The following PDE1A variants were observed in gnomAD, a reference collection of about 807,000 sequenced individuals.
The protein encoded by PDE1A is phosphodiesterase 1A.
Under a neutral mutation model 61.7 loss-of-function variants are expected in PDE1A, and 35 were observed. That is an observed-to-expected ratio of 0.57 (90% CI 0.43 to 0.75). The LOEUF (loss-of-function observed/expected upper bound fraction) is 0.75. Among genes scored for constraint, PDE1A ranks in the 30% least tolerant of loss-of-function variants. The probability of loss-of-function intolerance (pLI) is 0.00; values close to 1 mark genes in which losing one functional copy is unlikely to be tolerated. For synonymous variants in PDE1A, 232 were observed against 213.2 expected, an observed-to-expected ratio of 1.09 and a Z score of -0.77; for missense variants, 597 against 630.6, an observed-to-expected ratio of 0.95 and a Z score of 0.57.
At chr2:182,427,593 T>G (rs1703697837), upstream of PDE1A, among the ~76,000 whole-genome samples, 1 of 152,010 alleles carries the variant, frequency 6.6e-6, no homozygotes, top group South Asian at 2.1e-4. Flanking sequence ...GAAATTTGGA[T>G]TTATAAAAGT....
chr2:182,194,505 A>G (rs1423390821), intron 10 of PDE1A, among the ~76,000 whole-genome samples: 1 of 152,156 alleles, frequency 6.6e-6, no homozygotes, highest in East Asian at 1.9e-4. Flanking sequence ...TTGTATTAAT[A>G]AATATCACAG....
At chr2:182,186,243 C>T (rs946171616) in intron 12 of PDE1A, among the ~76,000 whole-genome samples, 164 bp from the exon 13 acceptor site, 1 of 152,188 alleles carries the variant, frequency 6.6e-6, no homozygotes, top group Non-Finnish European at 1.5e-5. Context: ...TCCCTCCCCA[C>T]ACTGGATTCT....
intron 1 of PDE1A, among the ~76,000 whole-genome samples, chr2:182,271,936 T>A (rs1023380841): frequency 1.3e-5 from 2 of 152,058 alleles, no homozygotes; most frequent in African/African-American, 4.8e-5. Flanking sequence ...TGCAAAAACA[T>A]GCTACTTTTT....
At chr2:182,182,094 A>G (rs1404924979) in intron 13 of PDE1A, among the ~76,000 whole-genome samples, 1 of 152,188 alleles carries the variant, frequency 6.6e-6, no homozygotes, top group Non-Finnish European at 1.5e-5. Context: ...CATATGCACA[A>G]AAGTCTCTCT....
At chr2:182,214,540 C>A (rs370533219) in intron 7 of PDE1A, among the ~76,000 whole-genome samples, 11 of 151,778 alleles carry the variant, frequency 7.2e-5, no homozygotes, top group Non-Finnish European at 1.6e-4. Context: ...CAGAGACACA[C>A]ATAGGCTCAA....
chr2:182,181,232 C>T (rs906328522), intron 13 of PDE1A, among the ~76,000 whole-genome samples: 2 of 152,150 alleles, frequency 1.3e-5, no homozygotes, highest in African/African-American at 4.8e-5. Flanking sequence ...GATTTATCTA[C>T]CTTTGATCTT....
intron 1 of PDE1A, among the ~76,000 whole-genome samples, chr2:182,363,169 G>A (rs7560332): frequency 0.1 from 15,315 of 151,872 alleles, 1,814 homozygotes; most frequent in African/African-American, 0.28. Flanking sequence ...CATGACACCC[G>A]TTTACCTATA....
At chr2:182,572,888 A>T in the PDE1A span, among the ~76,000 whole-genome samples, 1 of 151,692 alleles carries the variant, frequency 6.6e-6, no homozygotes, top group Non-Finnish European at 1.5e-5. Context: ...AAAAAAAAAA[A>T]AGTGAAAGAT....
the PDE1A span, among the ~76,000 whole-genome samples, chr2:182,680,745 C>T: frequency 2.0e-5 from 3 of 152,150 alleles, no homozygotes; most frequent in Admixed American, 2.0e-4. Flanking sequence ...TTCTTGGCTT[C>T]ACCCAGGAAA....
At chr2:182,203,089 G>C (rs1241329609) in intron 8 of PDE1A, among the ~76,000 whole-genome samples, 1 of 152,194 alleles carries the variant, frequency 6.6e-6, no homozygotes, top group Non-Finnish European at 1.5e-5. Context: ...GCCGAGGCGG[G>C]TGGATCACGA....
chr2:182,691,665 C>A, the PDE1A span, among the ~76,000 whole-genome samples: 2 of 152,012 alleles, frequency 1.3e-5, no homozygotes, highest in African/African-American at 4.8e-5. Context: ...GCAACAAAAG[C>A]CATAATTGAC....
At chr2:182,439,185 T>C (rs1223848841) in intron 2 of PDE1A, among the ~76,000 whole-genome samples, 1 of 152,040 alleles carries the variant, frequency 6.6e-6, no homozygotes, top group Non-Finnish European at 1.5e-5. Flanking sequence ...GGTAAGTTTA[T>C]TGGTAACACA....
intron 1 of PDE1A, among the ~76,000 whole-genome samples, chr2:182,327,257 G>A (rs866692743): frequency 6.6e-6 from 1 of 152,176 alleles, no homozygotes; most frequent in Non-Finnish European, 1.5e-5. Context: ...CTGGTTGGAA[G>A]GAGCAAGTCG....
At chr2:182,335,200 T>C (rs1697714936) in intron 1 of PDE1A, among the ~76,000 whole-genome samples, 1 of 152,158 alleles carries the variant, frequency 6.6e-6, no homozygotes. Context: ...CCCTAGGTAA[T>C]TTATAAGTTC....
chr2:182,559,056 A>C, the PDE1A span, among the ~76,000 whole-genome samples: 1 of 152,254 alleles, frequency 6.6e-6, no homozygotes. Context: ...AACTTTGAGA[A>C]TACCTCAACC....
chr2:182,555,812 C>T, the PDE1A span, among the ~76,000 whole-genome samples: 6 of 151,324 alleles, frequency 4.0e-5, no homozygotes, highest in Admixed American at 2.0e-4. Flanking sequence ...ACTAAAAATA[C>T]AAAAATTAGC....
At chr2:182,520,551 C>T (rs1690502178) in intron 2 of PDE1A, among the ~76,000 whole-genome samples, 1 of 151,858 alleles carries the variant, frequency 6.6e-6, no homozygotes, top group Non-Finnish European at 1.5e-5. Context: ...AATAAAATGA[C>T]AGATTGATCT....
chr2:182,430,116 T>C (rs1410643334), upstream of PDE1A, among the ~76,000 whole-genome samples: 1 of 152,086 alleles, frequency 6.6e-6, no homozygotes, highest in Non-Finnish European at 1.5e-5. Flanking sequence ...ATTATCTCAA[T>C]TTAAAAAAGA....
At chr2:182,429,681 A>G (rs1445827480), upstream of PDE1A, among the ~76,000 whole-genome samples, 2 of 152,160 alleles carry the variant, frequency 1.3e-5, no homozygotes, top group African/African-American at 4.8e-5. Flanking sequence ...GTGACAAAAC[A>G]CATAGATCAA....
Sources: gnomAD v4.1 joint callset for allele counts (sites outside exome capture counted in the v4.1 genomes callset) on GRCh38, gnomAD v4.1.1 for gene constraint, MANE v1.5 for transcripts, NCBI Gene and HGNC (gene_info 2026-07-23, HGNC 2026-07-21) for gene names.